The following CCDC88A variants were observed in gnomAD, a reference collection of about 807,000 sequenced individuals.
CCDC88A encodes the protein girdin.
In CCDC88A, 54 loss-of-function variants were observed where a neutral mutation model predicts 234.3. That is an observed-to-expected ratio of 0.23 (90% confidence interval 0.19 to 0.29). The LOEUF is 0.29. Among genes scored for constraint, CCDC88A ranks in the 10% least tolerant of loss-of-function variants. CCDC88A has a pLI of 1.00. For missense variants in CCDC88A, 1,832 were observed against 2,123.4 expected (o/e 0.86, Z 2.70); for synonymous variants, 753 against 737.8 (o/e 1.02, Z -0.33).
chr2:55,314,032 GC>G lies in CCDC88A; in HGVS notation c.3934-1454del, dbSNP rs1045403555. On this transcript the variant is annotated intron_variant, in intron 22 of 32. Coordinates refer to ENST00000436346, the MANE Select transcript of CCDC88A (RefSeq NM_001365480.1). ...TCTTCTTGAATTTGGAATGCTTTTG[GC>G]CAAGAGAAAGAGGTGGAAGTGATGG... The G allele has an allele frequency of 1.1e-4, 17 of 152,278 alleles. 1 individual carries two copies. The highest frequency in any genetic ancestry group is 4.1e-4 in the African/African-American group (17 of 41,542). 9.4% of individuals were successfully genotyped at this position (152,278 alleles called of 1,614,324 possible).
intron 7 of CCDC88A, chr2:55,356,359 A>G (rs568608867): frequency 1.3e-5 from 2 of 151,916 alleles, no homozygotes; most frequent in East Asian, 1.9e-4. Context: ...ATAGTATCCC[A>G]TGGTTTATAT....
At chr2:55,402,859 A>C (rs867771132) in intron 2 of CCDC88A, among the ~76,000 whole-genome samples, 1 of 152,046 alleles carries the variant, frequency 6.6e-6, no homozygotes, top group Non-Finnish European at 1.5e-5. Context: ...AATACAAAAA[A>C]TTAGCCAGGC....
intron 5 of CCDC88A, among the ~76,000 whole-genome samples, chr2:55,367,939 C>G (rs182365156): frequency 6.6e-6 from 1 of 152,286 alleles, no homozygotes; most frequent in African/African-American, 2.4e-5. Flanking sequence ...ACTAAGCAGC[C>G]TGCACTGATA....
chr2:55,367,023 A>C (rs1558751646), intron 5 of CCDC88A, among the ~76,000 whole-genome samples: 1 of 152,252 alleles, frequency 6.6e-6, no homozygotes, highest in African/African-American at 2.4e-5. Flanking sequence ...TCAATGATGA[A>C]TGGATGAACA....
intron 16 of CCDC88A, among the ~76,000 whole-genome samples, chr2:55,331,564 A>C (rs1412146252): frequency 2.6e-5 from 4 of 152,188 alleles, no homozygotes; most frequent in Non-Finnish European, 1.5e-5. Flanking sequence ...AAACTGAATG[A>C]AAATCTAGTC....
In CCDC88A at chr2:55,332,960, A is replaced by C. The variant is rs1413109457; in HGVS notation, c.2728-267T>G. On this transcript the variant is annotated intron_variant, in intron 15 of 32. Coordinates refer to ENST00000436346, the MANE Select transcript of CCDC88A (RefSeq NM_001365480.1). This position sits in a 1 kb window ranked among gnomAD's most constrained non-coding sequence, Gnocchi z 4.5. ...TGTGAATACACATTTAGGTTTGAAA[A>C]CTGGGGAAAATCATATCCATTTACT... Among the ~76,000 whole-genome samples the C allele has an allele frequency of 2.0e-5, 3 of 152,202 alleles. No homozygotes were observed. Among genetic ancestry groups the C allele is most frequent in the Non-Finnish European group, 4.4e-5 (3 of 68,022 alleles).
At chr2:55,343,944 A>G (rs1380049797) in intron 11 of CCDC88A, 152 bp from the exon 12 acceptor site, 3 of 596,422 alleles carry the variant, frequency 5.0e-6, no homozygotes, top group Non-Finnish European at 8.5e-6. Context: ...AATTATAATT[A>G]TTACCGGTCA....
At position 55,332,734 on chromosome 2, in the gene CCDC88A, G is replaced by C; in HGVS notation, c.2728-41C>G. The C allele has an allele frequency of 6.3e-7, 1 of 1,591,122 alleles. No homozygotes were observed. The highest frequency in any genetic ancestry group is 8.6e-7 in the Non-Finnish European group (1 of 1,164,846). On this transcript the variant is annotated intron_variant, in intron 15 of 32. Coordinates refer to ENST00000436346, the MANE Select transcript of CCDC88A (RefSeq NM_001365480.1). The surrounding 1 kb of genome is among the most constrained non-coding windows in gnomAD (Gnocchi z 4.5). Reference sequence around the variant, plus strand: ...ATGCAAAACTCACCTAAGTGTCAAGGGTATAAACATCTAAGAAAGTCAGCT... The same window carrying C: ...ATGCAAAACTCACCTAAGTGTCAAGCGTATAAACATCTAAGAAAGTCAGCT...
intron 10 of CCDC88A, chr2:55,345,835 T>A (rs1669047973): frequency 5.9e-6 from 1 of 168,924 alleles, no homozygotes. Context: ...AGAAGCAATC[T>A]GAAATATGTT....
intron 2 of CCDC88A, among the ~76,000 whole-genome samples, chr2:55,390,300 C>T (rs1174352323): frequency 6.6e-6 from 1 of 152,160 alleles, no homozygotes; most frequent in African/African-American, 2.4e-5. Flanking sequence ...TTCACCCTCA[C>T]ACGTAGTTAG....
intron 5 of CCDC88A, among the ~76,000 whole-genome samples, chr2:55,366,534 T>TACACACACACACACACAC (rs201666406): frequency 1.6e-5 from 2 of 127,638 alleles, no homozygotes; most frequent in Non-Finnish European, 3.4e-5. Flanking sequence ...CACACACACA[T>TACACACACACACACACAC]ACACACACAC....
chr2:55,336,785 T>C lies in CCDC88A; in HGVS notation c.1552A>G (p.Lys518Glu), dbSNP rs1189498016. 1 of 1,590,400 alleles carries C rather than the reference T, an allele frequency of 6.3e-7. No homozygotes were observed. Among genetic ancestry groups the C allele is most frequent in the Admixed American group, 1.7e-5 (1 of 57,930 alleles). The change falls in exon 14 of 33, where the codon AAG becomes GAG. Residue 518 changes from lysine (K) to glutamate (E), a missense_variant. Lys to Glu is a moderately conservative substitution (Grantham distance 56). Transcript: ENST00000436346. ...TTCTGACAATTCTGAAGACTTTGCT[T>C]TTCTTGAACAATCTCATTTTCAAGA... ...EILENEIVQEKQSLQNCQNLS... is the reference protein window; with the variant it reads ...EILENEIVQEEQSLQNCQNLS...
At chr2:55,382,263 T>C (rs1674719748) in intron 3 of CCDC88A, among the ~76,000 whole-genome samples, 1 of 152,166 alleles carries the variant, frequency 6.6e-6, no homozygotes, top group African/African-American at 2.4e-5. Context: ...CTAAAAAGTG[T>C]CTATTTTCTG....
rs1676148444 is a variant in CCDC88A at position 55,388,930 on chromosome 2, C to T, written c.165-44G>A. The T allele has an allele frequency of 6.3e-6, 4 of 632,236 alleles. No homozygotes were observed. The East Asian group carries it at 1.3e-4, about 21-fold the overall frequency. The allele number at this position is 632,236 out of a possible 1,614,324, so 39.2% of individuals were successfully genotyped here. A position where few individuals can be genotyped will look rare whatever the true frequency, so the allele number is the denominator to read the frequency against. ...TACTTTAAAATTACATAAAATACTACTATCAATCTATATATAATTAAAATT... is the reference window on the plus strand; with the variant it reads ...TACTTTAAAATTACATAAAATACTATTATCAATCTATATATAATTAAAATT... On this transcript the variant is annotated intron_variant, in intron 2 of 32. Transcript: ENST00000436346.
chr2:55,299,183 G>A (rs896698323), intron 29 of CCDC88A, among the ~76,000 whole-genome samples: 1 of 152,132 alleles, frequency 6.6e-6, no homozygotes, highest in African/African-American at 2.4e-5. Flanking sequence ...CAGCCTGGGC[G>A]ACAGAGTGAG....
chr2:55,401,624 G>C (rs1260246050), intron 2 of CCDC88A, among the ~76,000 whole-genome samples: 1 of 148,426 alleles, frequency 6.7e-6, no homozygotes, highest in African/African-American at 2.5e-5. Context: ...ATTAATATAA[G>C]CTTTTACCTA....
Position 55,336,819 on chromosome 2 carries a change from C to A in CCDC88A, c.1519-1G>T. 2 of 1,539,942 alleles carry A rather than the reference C, an allele frequency of 1.3e-6. No individual in the cohort carries two copies. The highest frequency in any genetic ancestry group is 1.4e-5 in the African/African-American group (1 of 72,252). On this transcript the variant is annotated splice_acceptor_variant, in intron 13 of 32. Coordinates refer to ENST00000436346, the MANE Select transcript of CCDC88A (RefSeq NM_001365480.1). LOFTEE classifies it high-confidence loss of function. The stretch of plus-strand genomic sequence containing the variant: ...CAATCTCATTTTCAAGAATCTCAAC[C>A]TAGAGAAAATTAAATCACAAAACAA...
intron 2 of CCDC88A, chr2:55,406,091 G>C (rs6718236): frequency 0.55 from 83,636 of 150,824 alleles, 24,569 homozygotes; most frequent in Admixed American, 0.66. Context: ...CCGGGAGGTG[G>C]AGGTTGCAGT....
At chr2:55,391,673 CA>C (rs1210557270) in intron 2 of CCDC88A, among the ~76,000 whole-genome samples, 1 of 152,088 alleles carries the variant, frequency 6.6e-6, no homozygotes, top group Admixed American at 6.6e-5. Flanking sequence ...AACTGTATAG[CA>C]AACGATTAGT....
Sources: gnomAD v4.1 joint callset for allele counts (sites outside exome capture counted in the v4.1 genomes callset) on GRCh38, gnomAD v4.1.1 for gene constraint, Gnocchi (gnomAD v3.1) non-coding constraint, MANE v1.5 for transcripts, NCBI Gene and HGNC (gene_info 2026-07-23, HGNC 2026-07-21) for gene names.